The following PTPRN2 variants were observed in gnomAD, a reference collection of about 807,000 sequenced individuals.
PTPRN2 encodes receptor-type tyrosine-protein phosphatase N2.
A neutral mutation model predicts 118.8 loss-of-function variants in PTPRN2; 74 were observed. That is an observed-to-expected ratio of 0.62 (90% CI 0.52 to 0.76). The LOEUF is 0.76. Among genes scored for constraint, PTPRN2 ranks in the 30% least tolerant of loss-of-function variants. PTPRN2 has a pLI of 0.00. For missense variants in PTPRN2, 1,481 were observed against 1,394.4 expected (o/e 1.06, Z -0.99); for synonymous variants, 641 against 608.0 (o/e 1.05, Z -0.80).
chr7:157,691,210 CTTTCT>C (rs1392221682), intron 12 of PTPRN2, among the ~76,000 whole-genome samples: 1 of 151,528 alleles, frequency 6.6e-6, no homozygotes, highest in Non-Finnish European at 1.5e-5. Context: ...TTCGCCTTTT[CTTTCT>C]TTTCAGTGTT....
chr7:158,081,234 T>C (rs1306859911), intron 11 of PTPRN2, 64 bp downstream of exon 11: 2 of 1,448,074 alleles, frequency 1.4e-6, no homozygotes, highest in Non-Finnish European at 1.9e-6. Flanking sequence ...ATGTGCGTGT[T>C]TGCGTGCGTG....
intron 12 of PTPRN2, among the ~76,000 whole-genome samples, chr7:157,795,189 C>G (rs1201731653): frequency 6.6e-6 from 1 of 151,420 alleles, no homozygotes; most frequent in Non-Finnish European, 1.5e-5. Context: ...AAGCTAAAAG[C>G]CCCTCACCTG....
At chr7:158,324,057 G>A (rs547129366) in intron 2 of PTPRN2, among the ~76,000 whole-genome samples, 26 of 22,548 alleles carry the variant, frequency 1.2e-3, no homozygotes, top group African/African-American at 2.8e-3. Context: ...ATTTGCAAAC[G>A]TGCACACACA....
intron 12 of PTPRN2, among the ~76,000 whole-genome samples, chr7:157,873,853 A>T (rs898386010): frequency 1.3e-5 from 2 of 152,086 alleles, no homozygotes; most frequent in African/African-American, 4.8e-5. Flanking sequence ...GGAGGTGGAA[A>T]GCGGAGGAGG....
chr7:157,572,797 G>A (rs1439023923), intron 19 of PTPRN2, among the ~76,000 whole-genome samples: 1 of 152,254 alleles, frequency 6.6e-6, no homozygotes, highest in African/African-American at 2.4e-5. Context: ...GCTGCCCTCT[G>A]GTCTGTGAAA....
At chr7:158,062,277 A>G (rs1585306898) in intron 11 of PTPRN2, among the ~76,000 whole-genome samples, 1 of 152,166 alleles carries the variant, frequency 6.6e-6, no homozygotes, top group Admixed American at 6.5e-5. Context: ...TGGGACTGAA[A>G]CTCAGTCCTG....
At chr7:158,068,792 T>C (rs1810983509) in intron 11 of PTPRN2, among the ~76,000 whole-genome samples, 1 of 152,228 alleles carries the variant, frequency 6.6e-6, no homozygotes, top group Admixed American at 6.5e-5. Context: ...ATGAGGAAAT[T>C]GTGTAATTAC....
At chr7:158,419,632 C>T (rs1815085207) in intron 2 of PTPRN2, among the ~76,000 whole-genome samples, 1 of 152,134 alleles carries the variant, frequency 6.6e-6, no homozygotes, top group African/African-American at 2.4e-5. Flanking sequence ...CCACGCAGCA[C>T]TGCAGCTGGA....
chr7:158,130,610 AC>A (rs1232809324), intron 9 of PTPRN2, among the ~76,000 whole-genome samples: 4 of 151,824 alleles, frequency 2.6e-5, no homozygotes, highest in African/African-American at 9.7e-5. Context: ...CATCTACCCT[AC>A]ATACACACTC....
chr7:157,826,933 G>T (rs569395008), intron 12 of PTPRN2, among the ~76,000 whole-genome samples: 1 of 152,234 alleles, frequency 6.6e-6, no homozygotes, highest in South Asian at 2.1e-4. Context: ...CACCAGAGGG[G>T]TCTATACTGA....
chr7:158,037,020 T>C (rs1276880926), intron 11 of PTPRN2, among the ~76,000 whole-genome samples: 2 of 152,162 alleles, frequency 1.3e-5, no homozygotes, highest in Non-Finnish European at 2.9e-5. Context: ...ATAACAAATA[T>C]AAGATTCCTT....
chr7:157,576,764 C>T lies in PTPRN2; in HGVS notation c.2632G>A (p.Glu878Lys), dbSNP rs776537122. The T allele has an allele frequency of 1.2e-6, 2 of 1,604,202 alleles. No individual in the cohort carries two copies. Among genetic ancestry groups the T allele is most frequent in the Admixed American group, 1.7e-5 (1 of 58,862 alleles). ...YHIYEVNLVSEHIWCEDFLVR... is the reference protein window; with the variant it reads ...YHIYEVNLVSKHIWCEDFLVR... The stretch of plus-strand genomic sequence containing the variant: ...AGGAAGTCCTCACACCAGATGTGCT[C>T]GGAGACCAGGTTCACCTGGCAGGGA... Residue 878 changes from glutamate (E) to lysine (K), a missense_variant, in exon 19 of 23, where the codon GAG becomes AAG. By Grantham distance (56) the Glu-to-Lys change is moderately conservative. Around this residue, in one of 3 missense-constraint regions of PTPRN2, gnomAD observed 362 missense variants for 384.1 expected, o/e 0.94. Transcript: ENST00000389418.
intron 19 of PTPRN2, chr7:157,574,444 T>C (rs767371926): frequency 3.8e-6 from 2 of 527,930 alleles, no homozygotes; most frequent in South Asian, 2.8e-5. Flanking sequence ...AAGGTAAGGG[T>C]TTGTCCGTTT....
rs966469262 is a variant in PTPRN2, at chr7:157,676,691, C to T, written c.2001+6034G>A. On this transcript the variant is annotated intron_variant, in intron 13 of 22. Coordinates refer to ENST00000389418, the MANE Select transcript of PTPRN2 (RefSeq NM_002847.5). This position sits in a 1 kb window ranked among gnomAD's most constrained non-coding sequence, Gnocchi z 5.6. ...CGCCTCTCAGTTTATCTGCTGCTGACTTTGCCCCCTTGTAAAACAGGGTTG... is the reference window on the plus strand; with the variant it reads ...CGCCTCTCAGTTTATCTGCTGCTGATTTTGCCCCCTTGTAAAACAGGGTTG... Among the ~76,000 whole-genome samples the T allele has an allele frequency of 6.6e-6, 1 of 152,226 alleles. No individual in the cohort carries two copies. The highest frequency in any genetic ancestry group is 1.5e-5 in the Non-Finnish European group (1 of 68,024).
At chr7:158,122,406 C>T (rs1432899088) in intron 9 of PTPRN2, among the ~76,000 whole-genome samples, 1 of 152,178 alleles carries the variant, frequency 6.6e-6, no homozygotes, top group African/African-American at 2.4e-5. Context: ...GTCCCTCTTC[C>T]ACGGTGTCCT....
intron 3 of PTPRN2, among the ~76,000 whole-genome samples, chr7:158,312,441 TGC>T (rs1801900834): frequency 6.9e-6 from 1 of 143,966 alleles, no homozygotes; most frequent in Non-Finnish European, 1.5e-5. Context: ...CACACACCCC[TGC>T]GCACTCATTC....
chr7:157,872,008 C>A (rs879443159), intron 12 of PTPRN2, among the ~76,000 whole-genome samples: 13 of 147,862 alleles, frequency 8.8e-5, no homozygotes, highest in South Asian at 2.2e-4. Flanking sequence ...ACACACATAC[C>A]CAGTGTCCTC....
intron 12 of PTPRN2, among the ~76,000 whole-genome samples, chr7:157,820,247 T>C (rs1806735201): frequency 7.1e-6 from 1 of 141,294 alleles, no homozygotes; most frequent in South Asian, 2.2e-4. Flanking sequence ...ACACATGCAA[T>C]CCACACATGC....
At chr7:158,490,194 C>T (rs1161487649) in intron 1 of PTPRN2, among the ~76,000 whole-genome samples, 1 of 152,234 alleles carries the variant, frequency 6.6e-6, no homozygotes, top group Non-Finnish European at 1.5e-5. Context: ...CTGCCGGGCG[C>T]CGGGGAGCGG....
Sources: gnomAD v4.1 joint callset for allele counts (sites outside exome capture counted in the v4.1 genomes callset) on GRCh38, gnomAD v4.1.1 for gene constraint, gnomAD v4.1.1 regional missense constraint, Gnocchi (gnomAD v3.1) non-coding constraint, MANE v1.5 for transcripts, NCBI Gene and HGNC (gene_info 2026-07-23, HGNC 2026-07-21) for gene names.